CNTFR: variants seen among roughly 807,000 people sequenced by gnomAD.
The protein encoded by CNTFR is ciliary neurotrophic factor receptor subunit alpha.
Under a neutral mutation model 40.4 loss-of-function variants are expected in CNTFR, and 12 were observed. The ratio of observed to expected loss-of-function variants is 0.30; its 90% CI spans 0.19 to 0.48. The LOEUF (loss-of-function observed/expected upper bound fraction) is 0.48, where lower values mean the gene tolerates loss of function less well. Ranked by LOEUF, CNTFR falls within the 20% of genes least tolerant of loss-of-function variation. The pLI is 0.99. For missense variants in CNTFR, 414 were observed against 506.8 expected (o/e 0.82, Z 1.76); for synonymous variants, 202 against 209.6 (o/e 0.96, Z 0.31).
chr9:34,555,006 C>T (rs928573486), intron 7 of CNTFR, among the ~76,000 whole-genome samples: 1 of 152,246 alleles, frequency 6.6e-6, no homozygotes, highest in East Asian at 1.9e-4. Flanking sequence ...GTTAGTTGCA[C>T]ACACGTATGG....
chr9:34,587,277 G>A (rs1351873039), intron 1 of CNTFR, among the ~76,000 whole-genome samples: 1 of 152,172 alleles, frequency 6.6e-6, no homozygotes, highest in Non-Finnish European at 1.5e-5. Flanking sequence ...ATGAGCTAAG[G>A]TGGCTTATAT....
At chr9:34,569,046 C>A (rs1474608877) in intron 2 of CNTFR, 65 bp from the exon 3 acceptor site, 2 of 1,437,424 alleles carry the variant, frequency 1.4e-6, no homozygotes, top group African/African-American at 1.4e-5. Context: ...TCCTGGGGAG[C>A]CCCTCCTGTT....
At chr9:34,569,963 C>G (rs72735290) in intron 2 of CNTFR, 3,596 of 152,332 alleles carry the variant, frequency 0.024, 62 homozygotes, top group Admixed American at 0.032. Flanking sequence ...TTCTCTCCCC[C>G]TCCCCCAGCA....
chr9:34,556,988 G>A (rs1825861180), intron 6 of CNTFR, among the ~76,000 whole-genome samples: 1 of 152,160 alleles, frequency 6.6e-6, no homozygotes, highest in Non-Finnish European at 1.5e-5. Context: ...ATCCAGCCAT[G>A]GGGTCTGGGG....
In CNTFR at chr9:34,552,145, G is replaced by T; in HGVS notation, c.1118+16C>A. ...TCCCTCAGGCTCCCTCTGCCACCCAGCCTCACTCAACCTACCAGATCAAGA... is the reference window on the plus strand; with the variant it reads ...TCCCTCAGGCTCCCTCTGCCACCCATCCTCACTCAACCTACCAGATCAAGA... On this transcript the variant is annotated intron_variant, in intron 9 of 9. Coordinates refer to ENST00000378980, the MANE Select transcript of CNTFR (RefSeq NM_147164.3). This position sits in a 1 kb window ranked among gnomAD's most constrained non-coding sequence, Gnocchi z 5.1. 1 of 1,593,254 alleles carries T rather than the reference G, an allele frequency of 6.3e-7. No individual in the cohort carries two copies. Among genetic ancestry groups the T allele is most frequent in the South Asian group, 1.1e-5 (1 of 87,690 alleles).
chr9:34,577,936 G>C (rs1564073061), intron 2 of CNTFR, among the ~76,000 whole-genome samples: 1 of 151,144 alleles, frequency 6.6e-6, no homozygotes, highest in Non-Finnish European at 1.5e-5. Context: ...GGCTGGGCGG[G>C]CTGGCGGGCG....
intron 6 of CNTFR, 21 bp from the exon 7 acceptor site, chr9:34,556,439 C>T: frequency 6.4e-7 from 1 of 1,574,346 alleles, no homozygotes; most frequent in Non-Finnish European, 8.6e-7. Flanking sequence ...GACATAGCTT[C>T]ATTACTACAC....
rs1437075158 is a variant in CNTFR at position 34,552,932 on chromosome 9, A to G, written c.769-78T>C. The stretch of plus-strand genomic sequence containing the variant: ...TGAGGTCCCTCCAGAGGAAGTGAGC[A>G]TGCCTCTGAGGAGAGGAGAGTAAAG... On this transcript the variant is annotated intron_variant, in intron 7 of 9. Coordinates refer to ENST00000378980, the MANE Select transcript of CNTFR (RefSeq NM_147164.3). This position sits in a 1 kb window ranked among gnomAD's most constrained non-coding sequence, Gnocchi z 5.1. The G allele has an allele frequency of 6.9e-7, 1 of 1,449,578 alleles. No individual in the cohort carries two copies. The highest frequency in any genetic ancestry group is 9.5e-7 in the Non-Finnish European group (1 of 1,056,924). 89.8% of individuals were successfully genotyped at this position (1,449,578 alleles called of 1,614,324 possible).
chr9:34,590,552 G>A (rs1827734322), upstream of CNTFR, among the ~76,000 whole-genome samples: 1 of 152,248 alleles, frequency 6.6e-6, no homozygotes, highest in Non-Finnish European at 1.5e-5. Context: ...CGGGAGCCCA[G>A]GCCCATGCCT....
intron 7 of CNTFR, among the ~76,000 whole-genome samples, chr9:34,554,607 G>A (rs1343162064): frequency 6.6e-6 from 1 of 152,232 alleles, no homozygotes; most frequent in Non-Finnish European, 1.5e-5. Flanking sequence ...GGCCATCGCA[G>A]GAGCTGCAGG....
At chr9:34,587,243 C>T (rs75842242) in intron 1 of CNTFR, among the ~76,000 whole-genome samples, 1 of 152,050 alleles carries the variant, frequency 6.6e-6, no homozygotes, top group African/African-American at 2.4e-5. Flanking sequence ...GAGTGTGAGA[C>T]CCTGGTCATA....
intron 7 of CNTFR, among the ~76,000 whole-genome samples, chr9:34,554,173 T>C (rs552979151): frequency 2.0e-5 from 3 of 152,128 alleles, no homozygotes; most frequent in Non-Finnish European, 4.4e-5. Context: ...CCTCTTCTCC[T>C]GGAGCCAGGG....
At chr9:34,582,852 A>G (rs1827371006) in intron 1 of CNTFR, 2 of 152,200 alleles carry the variant, frequency 1.3e-5, no homozygotes, top group South Asian at 4.1e-4. Flanking sequence ...AAAAACACCG[A>G]CAGATACACT....
intron 4 of CNTFR, among the ~76,000 whole-genome samples, chr9:34,563,725 T>A (rs1220153541): frequency 6.6e-6 from 1 of 152,176 alleles, no homozygotes; most frequent in Non-Finnish European, 1.5e-5. Flanking sequence ...TACTCTCCTG[T>A]CCTTCCCACC....
chr9:34,551,537 G>A lies in CNTFR; in HGVS notation c.*534C>T, dbSNP rs943634377. ...AAGTTACCATTGAGTCAGACTAGAA[G>A]GGACTGACAGGGCATTAAATACTGT... On this transcript the variant is annotated 3_prime_UTR_variant, in exon 10 of 10. Coordinates refer to ENST00000378980, the MANE Select transcript of CNTFR (RefSeq NM_147164.3). 4.8e-6 allele frequency: 1 copy of A among 207,186 alleles called. No homozygotes were observed. Among genetic ancestry groups the A allele is most frequent in the Non-Finnish European group, 9.9e-6 (1 of 101,338 alleles). 12.8% of individuals were successfully genotyped at this position (207,186 alleles called of 1,614,324 possible).
chr9:34,564,723 G>C lies in CNTFR; in HGVS notation c.195C>G (p.Ala65=), dbSNP rs116111562. The change falls in exon 4 of 10, where the codon GCC becomes GCG. Residue 65 remains alanine (A), a synonymous_variant. Coordinates refer to ENST00000378980, the MANE Select transcript of CNTFR (RefSeq NM_147164.3). ...GCTGAGAGCCGTTGAGCAGGTCAGGGGCCAGGTCTGTCCCATTTACCCGCC... is the reference window on the plus strand; with the variant it reads ...GCTGAGAGCCGTTGAGCAGGTCAGGCGCCAGGTCTGTCCCATTTACCCGCC... ...VTWRVNGTDL[A]PDLLNGSQLV... The C allele has an allele frequency of 2.9e-4, 474 of 1,614,144 alleles. 2 individuals are homozygous for C. In the African/African-American group the frequency reaches 5.5e-3, roughly 19 times the overall value.
chr9:34,569,077 C>G, intron 2 of CNTFR, 96 bp from the exon 3 acceptor site: 1 of 1,220,442 alleles, frequency 8.2e-7, no homozygotes, highest in Non-Finnish European at 1.2e-6. Flanking sequence ...ACTGGGAAAT[C>G]CCAGCCCTAG....
intron 4 of CNTFR, among the ~76,000 whole-genome samples, chr9:34,562,405 A>G (rs998320764): frequency 2.6e-4 from 40 of 152,298 alleles, no homozygotes; most frequent in African/African-American, 9.4e-4. Flanking sequence ...CCATCTCTTC[A>G]GTTTAGACAC....
Position 34,558,003 on chromosome 9 carries a change from T to A in CNTFR, c.320-19A>T. On this transcript the variant is annotated intron_variant, in intron 4 of 9. Transcript: ENST00000378980. ...GGCGGCACTGGGGGTGAGGACAGTA[T>A]GGTCAGGGCATTCTTGGAGCTCCCA... 6.7e-7 allele frequency: 1 copy of A among 1,503,154 alleles called. No homozygotes were observed. The highest frequency in any genetic ancestry group is 1.4e-5 in the African/African-American group (1 of 71,594). The allele number at this position is 1,503,154 out of a possible 1,614,324, so 93.1% of individuals were successfully genotyped here. A position where few individuals can be genotyped will look rare whatever the true frequency, so the allele number is the denominator to read the frequency against.
Sources: allele counts gnomAD v4.1 joint callset (sites outside exome capture counted in the v4.1 genomes callset), GRCh38; gene constraint gnomAD v4.1.1; non-coding constraint Gnocchi (gnomAD v3.1); transcripts MANE v1.5; gene names NCBI Gene and HGNC (gene_info 2026-07-23, HGNC 2026-07-21).